Variants in MTOR observed in about 807,000 individuals in gnomAD.
MTOR encodes the protein mechanistic target of rapamycin kinase.
Under a neutral mutation model 319.8 loss-of-function variants are expected in MTOR, and 70 were observed. The ratio of observed to expected loss-of-function variants is 0.22; its 90% confidence interval spans 0.18 to 0.27. MTOR has a LOEUF of 0.27. Among genes scored for constraint, MTOR ranks in the 10% least tolerant of loss-of-function variants. MTOR has a pLI of 1.00. For missense variants in MTOR, 1,890 were observed against 3,274.4 expected (o/e 0.58, Z 10.32); for synonymous variants, 1,183 against 1,211.4 (o/e 0.98, Z 0.49).
intron 19 of MTOR, among the ~76,000 whole-genome samples, chr1:11,222,526 G>T (rs561269527): frequency 6.6e-6 from 1 of 152,030 alleles, no homozygotes; most frequent in East Asian, 1.9e-4. Context: ...AAATGAGATG[G>T]GGTTTTGCTA....
At chr1:11,166,561 T>C (rs928425017) in intron 29 of MTOR, among the ~76,000 whole-genome samples, 2 of 152,194 alleles carry the variant, frequency 1.3e-5, no homozygotes, top group African/African-American at 4.8e-5. Flanking sequence ...CTCACACCAG[T>C]TAGAATGACG....
intron 20 of MTOR, among the ~76,000 whole-genome samples, chr1:11,214,785 C>T (rs534048749): frequency 2.0e-5 from 3 of 152,244 alleles, no homozygotes; most frequent in Admixed American, 2.0e-4. Flanking sequence ...CAAAGAAACA[C>T]CACAGATTTC....
intron 54 of MTOR, chr1:11,111,090 T>C (rs1641841170): frequency 2.2e-6 from 1 of 455,042 alleles, no homozygotes. Flanking sequence ...CCTGTCACAG[T>C]GTCCATGTAT....
intron 28 of MTOR, chr1:11,194,984 G>A: frequency 6.2e-7 from 1 of 1,614,010 alleles, no homozygotes; most frequent in South Asian, 1.1e-5. Context: ...CCCTCAAACG[G>A]GTGGAGATGA....
chr1:11,206,351 G>A (rs931449326), intron 25 of MTOR, among the ~76,000 whole-genome samples: 1 of 152,198 alleles, frequency 6.6e-6, no homozygotes, highest in African/African-American at 2.4e-5. Context: ...TCAACACAGT[G>A]GTTAAGAGAG....
chr1:11,134,305 T>C, intron 37 of MTOR, 46 bp downstream of exon 37: 2 of 1,560,970 alleles, frequency 1.3e-6, no homozygotes, highest in Non-Finnish European at 1.8e-6. Context: ...GCTGCTGGGA[T>C]GACAGGGCTG....
chr1:11,259,575 A>G (rs796329335), intron 1 of MTOR, among the ~76,000 whole-genome samples, 152 bp from the exon 2 acceptor site: 16 of 152,372 alleles, frequency 1.1e-4, no homozygotes, highest in African/African-American at 3.8e-4. Context: ...GAACATTTAG[A>G]AAGCCTAGAT....
intron 28 of MTOR, chr1:11,194,597 C>G: frequency 6.2e-7 from 1 of 1,614,164 alleles, no homozygotes; most frequent in Non-Finnish European, 8.5e-7. Flanking sequence ...AACAACACAG[C>G]CTTCAGCACC....
chr1:11,227,549 G>A (rs1391859771), intron 19 of MTOR, among the ~76,000 whole-genome samples: 1 of 152,020 alleles, frequency 6.6e-6, no homozygotes, highest in Admixed American at 6.6e-5. Context: ...AGAATAACAG[G>A]AACTACAAAG....
chr1:11,254,118 C>A, intron 5 of MTOR, 145 bp from the exon 6 acceptor site: 1 of 910,700 alleles, frequency 1.1e-6, no homozygotes, highest in Non-Finnish European at 1.6e-6. Context: ...ACTAACTGAT[C>A]AATCTCTTTT....
chr1:11,173,026 C>T (rs1644872980), intron 28 of MTOR, among the ~76,000 whole-genome samples: 1 of 151,442 alleles, frequency 6.6e-6, no homozygotes, highest in Admixed American at 6.6e-5. Context: ...CCGAGTCTCA[C>T]TCTGTCACCC....
chr1:11,238,545 A>G lies in MTOR; in HGVS notation c.1859T>C (p.Met620Thr), dbSNP rs755471794. The G allele has an allele frequency of 3.1e-6, 5 of 1,614,230 alleles. No homozygotes were observed. Among genetic ancestry groups the G allele is most frequent in the Non-Finnish European group, 3.4e-6 (4 of 1,180,042 alleles). The change falls in exon 12 of 58, where the codon ATG becomes ACG. Residue 620 changes from methionine (M) to threonine (T), a missense_variant. Transcript: ENST00000361445. ...FLNSEHKEIR[M>T]EAARTCSRLL... ...GCGGGAGCAGGTGCGGGCAGCCTCC[A>G]TGCGGATCTCCTTGTGCTCACTGTT...
chr1:11,189,240 A>G (rs1191255541), intron 28 of MTOR: 2 of 212,106 alleles, frequency 9.4e-6, no homozygotes, highest in Non-Finnish European at 1.9e-5. Flanking sequence ...ACTTCACCCA[A>G]CAGGCACCTG....
intron 1 of MTOR, among the ~76,000 whole-genome samples, chr1:11,261,597 T>G (rs1219782701): frequency 2.0e-5 from 3 of 152,126 alleles, no homozygotes; most frequent in African/African-American, 7.2e-5. Context: ...CAAAACCAAT[T>G]TCTCAAAATT....
chr1:11,123,846 G>T (rs890322358), intron 47 of MTOR, among the ~76,000 whole-genome samples: 12 of 151,990 alleles, frequency 7.9e-5, no homozygotes, highest in Admixed American at 7.8e-4. Flanking sequence ...GGAGTACAAT[G>T]GTGCAATCTT....
intron 19 of MTOR, among the ~76,000 whole-genome samples, chr1:11,227,883 T>C (rs1000249530): frequency 1.3e-5 from 2 of 152,016 alleles, no homozygotes; most frequent in African/African-American, 4.8e-5. Flanking sequence ...CCCCACAGAT[T>C]ACTCACTAAT....
At chr1:11,224,749 T>C (rs924628034) in intron 19 of MTOR, among the ~76,000 whole-genome samples, 3 of 151,960 alleles carry the variant, frequency 2.0e-5, no homozygotes, top group Non-Finnish European at 4.4e-5. Flanking sequence ...AAAAGAGAAA[T>C]TAAAAACCCT....
chr1:11,236,731 G>C lies in MTOR; in HGVS notation c.2208+1112C>G, dbSNP rs1478257257. ...TCACCATGTTGGCCAGGCTGGTCTT[G>C]AACTCCTGACCCCAGGTGATCTGGC... On this transcript the variant is annotated intron_variant, in intron 13 of 57. Coordinates refer to ENST00000361445, the MANE Select transcript of MTOR (RefSeq NM_004958.4). Among the ~76,000 whole-genome samples the C allele has an allele frequency of 4.0e-5, 6 of 151,630 alleles. No individual in the cohort carries two copies. The East Asian group carries it at 9.7e-4, about 25-fold the overall frequency.
chr1:11,194,562 G>A (rs1645702214), intron 28 of MTOR: 3 of 1,614,178 alleles, frequency 1.9e-6, no homozygotes, highest in Admixed American at 1.7e-5. Context: ...CTGGCAATGT[G>A]GGGAACGACG....
Sources: allele counts gnomAD v4.1 joint callset (sites outside exome capture counted in the v4.1 genomes callset), GRCh38; gene constraint gnomAD v4.1.1; transcripts MANE v1.5; gene names NCBI Gene and HGNC (gene_info 2026-07-23, HGNC 2026-07-21).